Variants in TAFA2 observed in about 807,000 individuals in gnomAD.
The protein encoded by TAFA2 is chemokine-like protein TAFA-2.
In TAFA2, 7 loss-of-function variants were observed where a neutral mutation model predicts 18.8. The ratio of observed to expected loss-of-function variants is 0.37; its 90% CI spans 0.21 to 0.70. The LOEUF (loss-of-function observed/expected upper bound fraction) is 0.70. TAFA2 is among the 30% of genes least tolerant of loss of function. The pLI, the probability that TAFA2 is intolerant of heterozygous loss-of-function variation, is 0.53. For missense variants in TAFA2, 122 were observed against 158.1 expected, an observed-to-expected ratio of 0.77 and a Z score of 1.23; for synonymous variants, 60 against 54.2, an observed-to-expected ratio of 1.11 and a Z score of -0.47.
intron 1 of TAFA2, among the ~76,000 whole-genome samples, chr12:62,005,873 A>G (rs1469816916): frequency 6.6e-6 from 1 of 152,168 alleles, no homozygotes; most frequent in African/African-American, 2.4e-5. Flanking sequence ...TGCCAATGAA[A>G]AAACATGTCT....
chr12:62,048,212 G>C (rs1489345126), intron 1 of TAFA2, among the ~76,000 whole-genome samples: 1 of 152,108 alleles, frequency 6.6e-6, no homozygotes, highest in Admixed American at 6.5e-5. Flanking sequence ...TTACAGTTCA[G>C]CATGGCTGGG....
At chr12:61,933,597 C>T (rs1417551820) in intron 1 of TAFA2, among the ~76,000 whole-genome samples, 1 of 151,990 alleles carries the variant, frequency 6.6e-6, no homozygotes, top group East Asian at 1.9e-4. Context: ...ACCTGTAGTC[C>T]CAGCTAATGG....
chr12:62,257,029 G>C (rs763416077), intron 1 of TAFA2, among the ~76,000 whole-genome samples: 4 of 152,062 alleles, frequency 2.6e-5, no homozygotes, highest in Non-Finnish European at 5.9e-5. Context: ...GAAAAACTGA[G>C]ACAGTGGTTC....
At chr12:61,816,400 C>T (rs544828338) in intron 2 of TAFA2, among the ~76,000 whole-genome samples, 14 of 151,576 alleles carry the variant, frequency 9.2e-5, no homozygotes, top group African/African-American at 3.4e-4. Flanking sequence ...ATATGTACCA[C>T]ATTTTCTTTA....
At chr12:61,932,691 C>T (rs1441267358) in intron 1 of TAFA2, among the ~76,000 whole-genome samples, 1 of 152,140 alleles carries the variant, frequency 6.6e-6, no homozygotes, top group African/African-American at 2.4e-5. Flanking sequence ...CTGTCCTCCT[C>T]GACCTCCCAA....
intron 4 of TAFA2, among the ~76,000 whole-genome samples, chr12:61,741,102 T>A (rs1868422685): frequency 6.6e-6 from 1 of 152,110 alleles, no homozygotes; most frequent in African/African-American, 2.4e-5. Context: ...TTTAAAGTGT[T>A]TTATCAGCTT....
chr12:61,998,559 G>A (rs1880277560), intron 1 of TAFA2, among the ~76,000 whole-genome samples: 2 of 152,086 alleles, frequency 1.3e-5, no homozygotes, highest in Non-Finnish European at 2.9e-5. Context: ...GTTATATTAA[G>A]TGTATACTAT....
intron 2 of TAFA2, among the ~76,000 whole-genome samples, chr12:61,766,064 ACT>A: frequency 6.6e-6 from 1 of 152,100 alleles, no homozygotes; most frequent in East Asian, 1.9e-4. Context: ...CTTCACTTCT[ACT>A]GATTTAGCTT....
At chr12:61,813,558 G>C (rs905298795) in intron 2 of TAFA2, among the ~76,000 whole-genome samples, 3 of 151,116 alleles carry the variant, frequency 2.0e-5, no homozygotes, top group Non-Finnish European at 4.4e-5. Context: ...CAAAAGTATG[G>C]TGAATATTAG....
chr12:62,038,040 C>A (rs1457006651), intron 1 of TAFA2, among the ~76,000 whole-genome samples: 1 of 151,950 alleles, frequency 6.6e-6, no homozygotes, highest in East Asian at 1.9e-4. Context: ...CATGTGAAAT[C>A]TAAAAATAAA....
At chr12:61,775,720 T>C (rs1870229678) in intron 2 of TAFA2, among the ~76,000 whole-genome samples, 3 of 151,888 alleles carry the variant, frequency 2.0e-5, no homozygotes, top group African/African-American at 7.2e-5. Context: ...CATGTCATTG[T>C]ACATTTGCCT....
chr12:61,843,013 G>T (rs1378378500), intron 2 of TAFA2, among the ~76,000 whole-genome samples: 2 of 151,980 alleles, frequency 1.3e-5, no homozygotes, highest in East Asian at 3.9e-4. Context: ...GAAGAAACCC[G>T]ACATGCAGAG....
intron 1 of TAFA2, among the ~76,000 whole-genome samples, chr12:62,256,692 T>C (rs975247678): frequency 3.3e-5 from 5 of 152,376 alleles, no homozygotes; most frequent in African/African-American, 1.2e-4. Flanking sequence ...CATTCTCTTT[T>C]TCAGAACCTA....
intron 1 of TAFA2, among the ~76,000 whole-genome samples, chr12:61,872,615 A>T (rs1464936507): frequency 6.6e-6 from 1 of 152,028 alleles, no homozygotes; most frequent in Non-Finnish European, 1.5e-5. Context: ...AACCAACATC[A>T]TCTTCCCTCT....
chr12:62,247,465 T>C (rs2062892130), intron 1 of TAFA2, among the ~76,000 whole-genome samples: 1 of 152,244 alleles, frequency 6.6e-6, no homozygotes, highest in Admixed American at 6.5e-5. Flanking sequence ...TGCCTTGTTC[T>C]TTCTTGTAGA....
chr12:61,819,404 T>G (rs1291712212), intron 2 of TAFA2, among the ~76,000 whole-genome samples: 1 of 152,188 alleles, frequency 6.6e-6, no homozygotes, highest in Non-Finnish European at 1.5e-5. Context: ...AATGATAAAA[T>G]GTGAAGATAA....
intron 1 of TAFA2, among the ~76,000 whole-genome samples, chr12:62,152,297 G>A (rs1468174180): frequency 6.6e-6 from 1 of 152,166 alleles, no homozygotes; most frequent in African/African-American, 2.4e-5. Flanking sequence ...AGAAATGTCA[G>A]TTTCTTACAC....
At chr12:61,828,524 T>C (rs1872604357) in intron 2 of TAFA2, among the ~76,000 whole-genome samples, 1 of 151,774 alleles carries the variant, frequency 6.6e-6, no homozygotes, top group African/African-American at 2.4e-5. Context: ...AAAAATAATA[T>C]GAACCTATGA....
At chr12:62,232,635 C>T (rs190527029) in intron 1 of TAFA2, among the ~76,000 whole-genome samples, 3 of 152,220 alleles carry the variant, frequency 2.0e-5, no homozygotes, top group Admixed American at 6.5e-5. Context: ...TCTCAGCCCC[C>T]CGAGTAGCTG....
Sources: gnomAD v4.1 joint callset for allele counts (sites outside exome capture counted in the v4.1 genomes callset) on GRCh38, gnomAD v4.1.1 for gene constraint, MANE v1.5 for transcripts, NCBI Gene and HGNC (gene_info 2026-07-23, HGNC 2026-07-21) for gene names.